Variants in JUND observed in about 807,000 individuals in gnomAD.
JUND encodes the protein JunD proto-oncogene, AP-1 transcription factor subunit, also known as transcription factor JunD.
A neutral mutation model predicts 7.1 loss-of-function variants in JUND; 2 were observed. That is an observed-to-expected ratio of 0.28 (90% CI 0.11 to 0.88). The LOEUF is 0.88. Among genes scored for constraint, JUND ranks in the 40% least tolerant of loss-of-function variants. JUND has a pLI of 0.60. For missense variants in JUND, 479 were observed against 519.1 expected, an observed-to-expected ratio of 0.92 and a Z score of 0.75; for synonymous variants, 335 against 263.2, an observed-to-expected ratio of 1.27 and a Z score of -2.64.
chr19:18,280,422 A>G lies in JUND; in HGVS notation c.*19T>C. The G allele has an allele frequency of 1.9e-6, 3 of 1,543,058 alleles. No individual in the cohort carries two copies. Among genetic ancestry groups the G allele is most frequent in the Non-Finnish European group, 2.6e-6 (3 of 1,146,060 alleles). ...CGCCCCTTGGGGAGGGTGGCCGCGC[A>G]TGCGCCCCGCGCGCGGACTCAGTAC... is the stretch of plus-strand genomic sequence containing the variant. On this transcript the variant is annotated 3_prime_UTR_variant, in exon 1 of 1. Coordinates refer to ENST00000252818, the MANE Select transcript of JUND (RefSeq NM_005354.6). This position sits in a 1 kb window ranked among gnomAD's most constrained non-coding sequence, Gnocchi z 4.1.
Position 18,280,570 on chromosome 19 carries a change from A to C in JUND, c.915T>G (p.Ser305Arg). The stretch of plus-strand genomic sequence containing the variant: ...CCGTGGACGCCAGCTCCGTGTTCTG[A>C]CTCTTGAGGGTCTTCACTTTCTCTT... ...RLEEKVKTLK[S>R]QNTELASTAS... Residue 305 changes from serine to arginine, a missense_variant, in exon 1 of 1, where the codon AGT becomes AGG. Transcript: ENST00000252818. This position sits in a 1 kb window ranked among gnomAD's most constrained non-coding sequence, Gnocchi z 4.1. The C allele has an allele frequency of 1.9e-6, 3 of 1,612,422 alleles. No individual in the cohort carries two copies. The highest frequency in any genetic ancestry group is 2.5e-6 in the Non-Finnish European group (3 of 1,179,654).
Position 18,281,174 on chromosome 19 carries a change from T to C in JUND, c.311A>G (p.Glu104Gly). The change falls in exon 1 of 1, where the codon GAG (glutamate) becomes GGG (glycine). Residue 104 changes from glutamate (E) to glycine (G), a missense_variant. By Grantham distance (98) the Glu-to-Gly change is moderately conservative (BLOSUM62 -2). Coordinates refer to ENST00000252818, the MANE Select transcript of JUND (RefSeq NM_005354.6). The stretch of plus-strand genomic sequence containing the variant: ...CCCGTTGGACTGGATGATGAGGCGC[T>C]CGAGCTCGGGGGAGGCCAGCTTCAG... ...GLLKLASPEL[E>G]RLIIQSNGLV... 6.4e-7 allele frequency: 1 copy of C among 1,557,818 alleles called. No homozygotes were observed. Among genetic ancestry groups the C allele is most frequent in the African/African-American group, 1.4e-5 (1 of 71,670 alleles).
chr19:18,280,274 CG>C lies in JUND; in HGVS notation c.*166del, dbSNP rs71717206. The C allele has an allele frequency of 2.7e-3, 1,648 of 607,930 alleles. No individual in the cohort carries two copies. The highest frequency in any genetic ancestry group is 4.5e-3 in the Middle Eastern group (10 of 2,206). The allele number at this position is 607,930 out of a possible 1,614,324, so 37.7% of individuals were successfully genotyped here. A position where few individuals can be genotyped will look rare whatever the true frequency, so the allele number is the denominator to read the frequency against. The stretch of plus-strand genomic sequence containing the variant: ...CAGCTTGTCGAGTCCTGGGCACCCT[CG>C]GGGGGGGGGAATCCCCGGGGGCCGC... On this transcript the variant is annotated 3_prime_UTR_variant, in exon 1 of 1. Coordinates refer to ENST00000252818, the MANE Select transcript of JUND (RefSeq NM_005354.6). The surrounding 1 kb of genome is among the most constrained non-coding windows in gnomAD (Gnocchi z 4.1).
In JUND at chr19:18,280,912, C is replaced by G; in HGVS notation, c.573G>C (p.Ala191=). ...ELAPAAAAPE[A]PVYANLSSYA... is the part of the protein sequence containing the mutation. ...AGCTGCTCAGGTTCGCGTAGACAGG[C>G]GCTTCGGGCGCGGCCGCCGCCGGGG... is the stretch of plus-strand genomic sequence containing the variant. The change falls in exon 1 of 1, where the codon GCG becomes GCC. Residue 191 remains alanine, a synonymous_variant. Coordinates refer to ENST00000252818, the MANE Select transcript of JUND (RefSeq NM_005354.6). This position sits in a 1 kb window ranked among gnomAD's most constrained non-coding sequence, Gnocchi z 4.1. The G allele has an allele frequency of 8.5e-7, 1 of 1,180,072 alleles. No individual in the cohort carries two copies. The highest frequency in any genetic ancestry group is 4.1e-5 in the South Asian group (1 of 24,102). The allele number at this position is 1,180,072 out of a possible 1,614,324, so 73.1% of individuals were successfully genotyped here. A position where few individuals can be genotyped will look rare whatever the true frequency, so the allele number is the denominator to read the frequency against.
Position 18,280,140 on chromosome 19 carries a change from G to A in JUND, c.*301C>T, listed in dbSNP as rs1298536820. 2 of 355,594 alleles carry A rather than the reference G, an allele frequency of 5.6e-6. No individual in the cohort carries two copies. Among genetic ancestry groups the A allele is most frequent in the Non-Finnish European group, 1.0e-5 (2 of 194,110 alleles). The allele number at this position is 355,594 out of a possible 1,614,324, so 22.0% of individuals were successfully genotyped here. A position where few individuals can be genotyped will look rare whatever the true frequency, so the allele number is the denominator to read the frequency against. On this transcript the variant is annotated 3_prime_UTR_variant, in exon 1 of 1. Transcript: ENST00000252818. This position sits in a 1 kb window ranked among gnomAD's most constrained non-coding sequence, Gnocchi z 4.1. ...CCCCTTCCGCGGCGCGGTGTACAAA[G>A]GGGCAGCCGAGACGCGCGGGTTTGT...
chr19:18,280,480 G>A lies in JUND; in HGVS notation c.1005C>T (p.Gly335=), dbSNP rs1969923357. The A allele has an allele frequency of 6.3e-7, 1 of 1,581,204 alleles. No homozygotes were observed. The highest frequency in any genetic ancestry group is 1.8e-5 in the Admixed American group (1 of 54,834). Residue 335 remains glycine, a synonymous_variant, in exon 1 of 1, where the codon GGC becomes GGT. Coordinates refer to ENST00000252818, the MANE Select transcript of JUND (RefSeq NM_005354.6). This position sits in a 1 kb window ranked among gnomAD's most constrained non-coding sequence, Gnocchi z 4.1. ...KQKVLSHVNS[G]CQLLPQHQVP... is the part of the protein sequence containing the mutation. ...CCTGGTGCTGGGGCAGCAGCTGGCA[G>A]CCGCTGTTGACGTGGCTGAGGACTT...
rs777085260 is a variant in JUND, at chr19:18,281,490, G to C, written c.-6C>G. 4.7e-5 allele frequency: 60 copies of C among 1,280,718 alleles called. 1 individual carries two copies. In the East Asian group the frequency reaches 1.7e-3, roughly 36 times the overall value. The allele number at this position is 1,280,718 out of a possible 1,614,324, so 79.3% of individuals were successfully genotyped here. ...CCGTAGAAGGGTGTTTCCATCCTCCGCCTCCCCCGCCGCGCCGGCCCGGGG... is the reference window on the plus strand; with the variant it reads ...CCGTAGAAGGGTGTTTCCATCCTCCCCCTCCCCCGCCGCGCCGGCCCGGGG... On this transcript the variant is annotated 5_prime_UTR_variant, in exon 1 of 1. Transcript: ENST00000252818.
Position 18,281,538 on chromosome 19 carries a change from G to T in JUND, c.-54C>A. 1 of 978,690 alleles carries T rather than the reference G, an allele frequency of 1.0e-6. No individual in the cohort carries two copies. The highest frequency in any genetic ancestry group is 4.4e-5 in the East Asian group (1 of 22,518). The allele number at this position is 978,690 out of a possible 1,614,324, so 60.6% of individuals were successfully genotyped here. The stretch of plus-strand genomic sequence containing the variant: ...GGGGGGAGTGGCCGCGGCCTCCCGG[G>T]GGGCCCGCGCCCCCCCGTCCGCTCG... On this transcript the variant is annotated 5_prime_UTR_variant, in exon 1 of 1. Coordinates refer to ENST00000252818, the MANE Select transcript of JUND (RefSeq NM_005354.6).
In JUND at chr19:18,280,300, C is replaced by A; in HGVS notation, c.*141G>T. On this transcript the variant is annotated 3_prime_UTR_variant, in exon 1 of 1. Coordinates refer to ENST00000252818, the MANE Select transcript of JUND (RefSeq NM_005354.6). The surrounding 1 kb of genome is among the most constrained non-coding windows in gnomAD (Gnocchi z 4.1). ...GGGGGGGGGGAATCCCCGGGGGCCG[C>A]GCCCTCTCTGAGTTCCTGGGCACAC... 1.3e-6 allele frequency: 1 copy of A among 745,272 alleles called. No individual in the cohort carries two copies. The highest frequency in any genetic ancestry group is 2.0e-6 in the Non-Finnish European group (1 of 507,632). The allele number at this position is 745,272 out of a possible 1,614,324, so 46.2% of individuals were successfully genotyped here. A position where few individuals can be genotyped will look rare whatever the true frequency, so the allele number is the denominator to read the frequency against.
Position 18,280,278 on chromosome 19 carries a change from G to T in JUND, c.*163C>A, listed in dbSNP as rs1197172647. 4.1e-5 allele frequency: 21 copies of T among 515,676 alleles called. No individual in the cohort carries two copies. Among genetic ancestry groups the T allele is most frequent in the African/African-American group, 6.3e-5 (1 of 15,828 alleles). The allele number at this position is 515,676 out of a possible 1,614,324, so 31.9% of individuals were successfully genotyped here. A position where few individuals can be genotyped will look rare whatever the true frequency, so the allele number is the denominator to read the frequency against. On this transcript the variant is annotated 3_prime_UTR_variant, in exon 1 of 1. Coordinates refer to ENST00000252818, the MANE Select transcript of JUND (RefSeq NM_005354.6). This position sits in a 1 kb window ranked among gnomAD's most constrained non-coding sequence, Gnocchi z 4.1. ...TTGTCGAGTCCTGGGCACCCTCGGG[G>T]GGGGGGAATCCCCGGGGGCCGCGCC... is the stretch of plus-strand genomic sequence containing the variant.
At position 18,281,415 on chromosome 19, in the gene JUND, T is replaced by TGCCGCCGCTGCCACTGGC; in HGVS notation, c.52_69dup (p.Ala18_Gly23dup). On this transcript the variant is annotated inframe_insertion, in exon 1 of 1. Coordinates refer to ENST00000252818, the MANE Select transcript of JUND (RefSeq NM_005354.6). ...AACAAGCGGCCCGGGGACGCGAAGC[T>TGCCGCCGCTGCCACTGGC]GCCGCCGCTGCCACTGGCGCCGCCG... is the stretch of plus-strand genomic sequence containing the variant. 2 of 1,354,250 alleles carry TGCCGCCGCTGCCACTGGC rather than the reference T, an allele frequency of 1.5e-6. No homozygotes were observed. The highest frequency in any genetic ancestry group is 1.9e-6 in the Non-Finnish European group (2 of 1,059,996). The allele number at this position is 1,354,250 out of a possible 1,614,324, so 83.9% of individuals were successfully genotyped here. A position where few individuals can be genotyped will look rare whatever the true frequency, so the allele number is the denominator to read the frequency against.
rs1600146117 is a variant in JUND, at chr19:18,280,159, G to A, written c.*282C>T. 2.8e-5 allele frequency: 11 copies of A among 387,220 alleles called. No individual in the cohort carries two copies. The highest frequency in any genetic ancestry group is 2.0e-4 in the East Asian group (3 of 15,080). The allele number at this position is 387,220 out of a possible 1,614,324, so 24.0% of individuals were successfully genotyped here. A position where few individuals can be genotyped will look rare whatever the true frequency, so the allele number is the denominator to read the frequency against. ...TACAAAGGGGCAGCCGAGACGCGCGGGTTTGTGCAACACGGGGCGGCCGCG... is the reference window on the plus strand; with the variant it reads ...TACAAAGGGGCAGCCGAGACGCGCGAGTTTGTGCAACACGGGGCGGCCGCG... On this transcript the variant is annotated 3_prime_UTR_variant, in exon 1 of 1. Transcript: ENST00000252818. The surrounding 1 kb of genome is among the most constrained non-coding windows in gnomAD (Gnocchi z 4.1).
rs1269450278 is a variant in JUND, at chr19:18,280,509, G to C, written c.976C>G (p.Gln326Glu). ...LLREQVAQLK[Q>E]KVLSHVNSGC... Reference sequence around the variant, plus strand: ...CTGTTGACGTGGCTGAGGACTTTCTGCTTGAGCTGCGCCACCTGCTCGCGC... The same window carrying C: ...CTGTTGACGTGGCTGAGGACTTTCTCCTTGAGCTGCGCCACCTGCTCGCGC... The change falls in exon 1 of 1, where the codon CAG becomes GAG. Residue 326 changes from glutamine (Q) to glutamate (E), a missense_variant. By Grantham distance (29) the Gln-to-Glu change is conservative. Around this residue, in one of 3 missense-constraint regions of JUND, gnomAD observed 42 missense variants for 37.1 expected, o/e 1.13. Transcript: ENST00000252818. This position sits in a 1 kb window ranked among gnomAD's most constrained non-coding sequence, Gnocchi z 4.1. 2 of 1,604,110 alleles carry C rather than the reference G, an allele frequency of 1.2e-6. No individual in the cohort carries two copies. Among genetic ancestry groups the C allele is most frequent in the African/African-American group, 1.3e-5 (1 of 74,742 alleles).
rs1969933450 is a variant in JUND, at chr19:18,280,910, G to A, written c.575C>T (p.Pro192Leu). The change falls in exon 1 of 1, where the codon CCT becomes CTT. Residue 192 changes from proline to leucine, a missense_variant. Transcript: ENST00000252818. This position sits in a 1 kb window ranked among gnomAD's most constrained non-coding sequence, Gnocchi z 4.1. ...LAPAAAAPEA[P>L]VYANLSSYAG... ...GTAGCTGCTCAGGTTCGCGTAGACA[G>A]GCGCTTCGGGCGCGGCCGCCGCCGG... 5 of 1,180,638 alleles carry A rather than the reference G, an allele frequency of 4.2e-6. No individual in the cohort carries two copies. Among genetic ancestry groups the A allele is most frequent in the Admixed American group, 9.3e-5 (2 of 21,598 alleles). The allele number at this position is 1,180,638 out of a possible 1,614,324, so 73.1% of individuals were successfully genotyped here. A position where few individuals can be genotyped will look rare whatever the true frequency, so the allele number is the denominator to read the frequency against.
Position 18,279,876 on chromosome 19 carries a change from T to G in JUND, c.*565A>C, listed in dbSNP as rs1600145737. The G allele has an allele frequency of 7.3e-6, 1 of 137,342 alleles. No individual in the cohort carries two copies. The highest frequency in any genetic ancestry group is 2.8e-5 in the African/African-American group (1 of 35,864). 8.5% of individuals were successfully genotyped at this position (137,342 alleles called of 1,614,324 possible). The stretch of plus-strand genomic sequence containing the variant: ...GAACAAAAAAGGGAGGGGGGACCGG[T>G]CGAAAGAACCGAAGGGGGGAGCGAG... On this transcript the variant is annotated 3_prime_UTR_variant, in exon 1 of 1. Transcript: ENST00000252818.
Position 18,280,767 on chromosome 19 carries a change from T to G in JUND, c.718A>C (p.Lys240Gln), listed in dbSNP as rs1407507676. Residue 240 changes from lysine to glutamine, a missense_variant, in exon 1 of 1, where the codon AAG becomes CAG. Physicochemically the swap from Lys to Gln is moderately conservative, Grantham distance 53 (BLOSUM62 1). This residue lies in a region of JUND where 374 missense variants were observed against 365.4 expected (regional missense o/e 1.02). Transcript: ENST00000252818. This position sits in a 1 kb window ranked among gnomAD's most constrained non-coding sequence, Gnocchi z 4.1. Reference sequence around the variant, plus strand: ...TCGGGCACCGTCTGTGGCTCGTCCTTGAGCGCAGCCAGGCGCGGCGGCCCC... The same window carrying G: ...TCGGGCACCGTCTGTGGCTCGTCCTGGAGCGCAGCCAGGCGCGGCGGCCCC... ...ALGPPRLAAL[K>Q]DEPQTVPDVP... The G allele has an allele frequency of 6.3e-7, 1 of 1,599,146 alleles. No homozygotes were observed. Among genetic ancestry groups the G allele is most frequent in the Non-Finnish European group, 8.5e-7 (1 of 1,177,658 alleles).
chr19:18,280,795 C>A lies in JUND; in HGVS notation c.690G>T (p.Ala230=). ...VPFPPPPPPG[A]LGPPRLAALK... is the part of the protein sequence containing the mutation. ...GCGCAGCCAGGCGCGGCGGCCCCAA[C>A]GCGCCTGGGGGTGGCGGCGGCGGGA... The change falls in exon 1 of 1, where the codon GCG becomes GCT. Residue 230 remains alanine (A), a synonymous_variant. Coordinates refer to ENST00000252818, the MANE Select transcript of JUND (RefSeq NM_005354.6). This position sits in a 1 kb window ranked among gnomAD's most constrained non-coding sequence, Gnocchi z 4.1. 3.2e-6 allele frequency: 5 copies of A among 1,583,410 alleles called. No homozygotes were observed. The highest frequency in any genetic ancestry group is 4.3e-6 in the Non-Finnish European group (5 of 1,172,690).
In JUND at chr19:18,280,392, G is replaced by C; in HGVS notation, c.*49C>G. On this transcript the variant is annotated 3_prime_UTR_variant, in exon 1 of 1. Transcript: ENST00000252818. The surrounding 1 kb of genome is among the most constrained non-coding windows in gnomAD (Gnocchi z 4.1). ...CGGGGCGCCCACGACACCCCCCCGC[G>C]AGCCCGCCCCTTGGGGAGGGTGGCC... 6.6e-7 allele frequency: 1 copy of C among 1,522,940 alleles called. No homozygotes were observed. The highest frequency in any genetic ancestry group is 1.2e-5 in the South Asian group (1 of 82,556). 94.3% of individuals were successfully genotyped at this position (1,522,940 alleles called of 1,614,324 possible).
In JUND at chr19:18,280,149, G is replaced by A; in HGVS notation, c.*292C>T. On this transcript the variant is annotated 3_prime_UTR_variant, in exon 1 of 1. Coordinates refer to ENST00000252818, the MANE Select transcript of JUND (RefSeq NM_005354.6). The surrounding 1 kb of genome is among the most constrained non-coding windows in gnomAD (Gnocchi z 4.1). ...CGGCGCGGTGTACAAAGGGGCAGCC[G>A]AGACGCGCGGGTTTGTGCAACACGG... 2.8e-6 allele frequency: 1 copy of A among 363,310 alleles called. No homozygotes were observed. Among genetic ancestry groups the A allele is most frequent in the Non-Finnish European group, 5.0e-6 (1 of 198,790 alleles). The allele number at this position is 363,310 out of a possible 1,614,324, so 22.5% of individuals were successfully genotyped here. A position where few individuals can be genotyped will look rare whatever the true frequency, so the allele number is the denominator to read the frequency against.
Sources: gnomAD v4.1 joint callset for allele counts on GRCh38, gnomAD v4.1.1 for gene constraint, gnomAD v4.1.1 regional missense constraint, Gnocchi (gnomAD v3.1) non-coding constraint, MANE v1.5 for transcripts, NCBI Gene and HGNC (gene_info 2026-07-23, HGNC 2026-07-21) for gene names.